SHOC1: variants seen among roughly 807,000 people sequenced by gnomAD.
SHOC1 encodes the protein protein shortage in chiasmata 1 ortholog.
In SHOC1, 136 loss-of-function variants were observed where a neutral mutation model predicts 179.2. The observed-to-expected ratio is 0.76, with a 90% CI of 0.66 to 0.87. The LOEUF is 0.87. SHOC1 is among the 40% of genes least tolerant of loss of function. SHOC1 has a pLI of 0.00. For synonymous variants in SHOC1, 489 were observed against 586.6 expected, an observed-to-expected ratio of 0.83 and a Z score of 2.41; for missense variants, 1,538 against 1,700.8, an observed-to-expected ratio of 0.90 and a Z score of 1.68.
At chr9:111,702,346 A>C in intron 22 of SHOC1, 120 bp from the exon 23 acceptor site, 1 of 650,356 alleles carries the variant, frequency 1.5e-6, no homozygotes, top group South Asian at 1.9e-5. Context: ...CATGGGTATG[A>C]GCCCCCATTT....
At chr9:111,759,416 T>C (rs1016926471) in intron 5 of SHOC1, 101 of 1,412,390 alleles carry the variant, frequency 7.2e-5, no homozygotes, top group Non-Finnish European at 9.3e-5. Flanking sequence ...TTGAGGAGTA[T>C]GATATAGCTT....
chr9:111,705,196 C>CACACACAT (rs151310646), intron 21 of SHOC1, 51 bp downstream of exon 21: 48 of 681,194 alleles, frequency 7.0e-5, no homozygotes, highest in African/African-American at 5.6e-4. Flanking sequence ...CACACACACA[C>CACACACAT]ATATATATAT....
intron 27 of SHOC1, among the ~76,000 whole-genome samples, chr9:111,691,342 T>A (rs1831411996): frequency 1.3e-5 from 2 of 152,344 alleles, no homozygotes; most frequent in South Asian, 4.1e-4. Context: ...TTAAGTTGAA[T>A]GCTTAGTCCA....
In SHOC1 at chr9:111,687,752, CT is replaced by C. The variant is rs1831242194; in HGVS notation, c.4427-883del. Among the ~76,000 whole-genome samples, 6 of 116,808 alleles carry C rather than the reference CT, an allele frequency of 5.1e-5. No homozygotes were observed. In the South Asian group the frequency reaches 1.5e-3, roughly 28 times the overall value. 76.6% of individuals were successfully genotyped at this position (116,808 alleles called of 152,430 possible). A position where few individuals can be genotyped will look rare whatever the true frequency, so the allele number is the denominator to read the frequency against. On this transcript the variant is annotated intron_variant, in intron 27 of 27. Transcript: ENST00000682961. ...ACAATTCTGTCCGGTTTTTCTTCTT[CT>C]TCTTTTTTTTTTTCTTTTTTCTTTT...
rs760124102 is a variant in SHOC1 at position 111,758,732 on chromosome 9, A to T, written c.559T>A (p.Phe187Ile). ...GCTTCTGTGAAGATCTGTCCTTTGA[A>T]ATCTAAAAGAGGATCCTTTACCAAA... ...LFLVKDPLLD[F>I]KGQIFTEANF... Residue 187 changes from phenylalanine to isoleucine, a missense_variant, in exon 6 of 28, where the codon TTC becomes ATC. By Grantham distance (21) the Phe-to-Ile change is conservative. Transcript: ENST00000682961. 8 of 1,594,584 alleles carry T rather than the reference A, an allele frequency of 5.0e-6. No homozygotes were observed. The highest frequency in any genetic ancestry group is 2.6e-6 in the Non-Finnish European group (3 of 1,174,698).
intron 8 of SHOC1, 119 bp downstream of exon 8, chr9:111,756,206 A>T (rs1564151192): frequency 1.7e-6 from 1 of 604,350 alleles, no homozygotes; most frequent in African/African-American, 1.9e-5. Flanking sequence ...TCAACATGTA[A>T]CTTGCAGAAC....
At position 111,702,583 on chromosome 9, in the gene SHOC1, T is replaced by G. The variant is rs947949125; in HGVS notation, c.2968-357A>C. Among the ~76,000 whole-genome samples the G allele has an allele frequency of 3.9e-5, 6 of 152,204 alleles. No homozygotes were observed. In the East Asian group the frequency reaches 7.7e-4, roughly 20 times the overall value. ...GTCCTTTGTGGATGCAAGTCCTTTG[T>G]GGACTAGGATCTGGTCATTCTAAAG... On this transcript the variant is annotated intron_variant, in intron 22 of 27. Coordinates refer to ENST00000682961, the MANE Select transcript of SHOC1 (RefSeq NM_001378211.1).
intron 5 of SHOC1, 120 bp downstream of exon 5, chr9:111,775,671 G>A (rs904730964): frequency 2.8e-6 from 2 of 709,272 alleles, no homozygotes; most frequent in South Asian, 2.3e-5. Flanking sequence ...AAAGCTTAGA[G>A]TTATGCAGGT....
chr9:111,725,479 G>A (rs1025627313), intron 13 of SHOC1, among the ~76,000 whole-genome samples: 3 of 152,256 alleles, frequency 2.0e-5, no homozygotes. Context: ...AGGGTATGCT[G>A]GACTGGGATA....
chr9:111,746,295 A>C lies in SHOC1; in HGVS notation c.1018T>G (p.Ser340Ala), dbSNP rs765736120. The change falls in exon 10 of 28, where the codon TCT becomes GCT. Residue 340 changes from serine to alanine, a missense_variant. Ser to Ala is a moderately conservative substitution (Grantham distance 99, BLOSUM62 1). Transcript: ENST00000682961. ...LTPLFLTCQH[S>A]SVNSLRTELQ... ...TCTGTACGTAATGAATTCACTGAAGAATGTTGGCATGTTAGGAATAGAGGA... is the reference window on the plus strand; with the variant it reads ...TCTGTACGTAATGAATTCACTGAAGCATGTTGGCATGTTAGGAATAGAGGA... 6.2e-7 allele frequency: 1 copy of C among 1,612,560 alleles called. No homozygotes were observed. Among genetic ancestry groups the C allele is most frequent in the Admixed American group, 1.7e-5 (1 of 59,986 alleles).
intron 5 of SHOC1, among the ~76,000 whole-genome samples, chr9:111,759,794 G>C (rs368250128): frequency 6.6e-6 from 1 of 152,100 alleles, no homozygotes; most frequent in African/African-American, 2.4e-5. Context: ...TGTCTCCCAC[G>C]GTTAACTACA....
chr9:111,707,331 T>C (rs1832322770), intron 19 of SHOC1, among the ~76,000 whole-genome samples: 1 of 152,096 alleles, frequency 6.6e-6, no homozygotes, highest in Non-Finnish European at 1.5e-5. Context: ...AAAGTACCTA[T>C]GTCCAGTTTT....
At chr9:111,759,255 A>G (rs758599440) in intron 5 of SHOC1, 2 of 1,613,520 alleles carry the variant, frequency 1.2e-6, no homozygotes, top group African/African-American at 1.3e-5. Flanking sequence ...TTACCTCTTA[A>G]TATCTCCAAT....
intron 22 of SHOC1, among the ~76,000 whole-genome samples, chr9:111,703,539 A>G (rs978840430): frequency 6.6e-6 from 1 of 152,218 alleles, no homozygotes; most frequent in Non-Finnish European, 1.5e-5. Context: ...TCAATCATCA[A>G]TTAATACACT....
intron 18 of SHOC1, among the ~76,000 whole-genome samples, chr9:111,709,451 C>T (rs1049645973): frequency 3.9e-5 from 6 of 152,038 alleles, no homozygotes; most frequent in South Asian, 4.1e-4. Flanking sequence ...ATCTTACAAA[C>T]GCATAGAAAA....
chr9:111,791,460 A>T lies in SHOC1; in HGVS notation c.-36-6T>A, dbSNP rs1836442300. On this transcript the variant is annotated splice_region_variant and splice_polypyrimidine_tract_variant and intron_variant, in intron 1 of 27. Coordinates refer to ENST00000682961, the MANE Select transcript of SHOC1 (RefSeq NM_001378211.1). Reference sequence around the variant, plus strand: ...AGCAGTGTAAATTTCAACATCTGGAAATACAAAAATTAAAATTAAACACTG... The same window carrying T: ...AGCAGTGTAAATTTCAACATCTGGATATACAAAAATTAAAATTAAACACTG... 2 of 1,321,118 alleles carry T rather than the reference A, an allele frequency of 1.5e-6. No individual in the cohort carries two copies. The highest frequency in any genetic ancestry group is 2.0e-6 in the Non-Finnish European group (2 of 991,088). 81.8% of individuals were successfully genotyped at this position (1,321,118 alleles called of 1,614,324 possible).
intron 16 of SHOC1, among the ~76,000 whole-genome samples, chr9:111,717,199 G>A (rs1832829037): frequency 6.6e-6 from 1 of 152,184 alleles, no homozygotes; most frequent in Non-Finnish European, 1.5e-5. Context: ...AAGAGAAAAT[G>A]TCTGGGTCTT....
At position 111,722,280 on chromosome 9, in the gene SHOC1, C is replaced by T. The variant is rs577652125; in HGVS notation, c.2131+129G>A. ...CCAGTATTGGTTTGGCTGGGTATCA[C>T]AAGCTGAATTACAGTCATGCCACCA... is the stretch of plus-strand genomic sequence containing the variant. On this transcript the variant is annotated intron_variant, in intron 15 of 27. Transcript: ENST00000682961. 2,309 of 783,002 alleles carry T rather than the reference C, an allele frequency of 2.9e-3. 11 individuals carry two copies. The highest frequency in any genetic ancestry group is 5.7e-3 in the South Asian group (257 of 44,948). The allele number at this position is 783,002 out of a possible 1,614,324, so 48.5% of individuals were successfully genotyped here. A position where few individuals can be genotyped will look rare whatever the true frequency, so the allele number is the denominator to read the frequency against.
intron 27 of SHOC1, among the ~76,000 whole-genome samples, chr9:111,688,122 G>A (rs916897960): frequency 1.3e-5 from 2 of 152,074 alleles, no homozygotes; most frequent in African/African-American, 2.4e-5. Context: ...ACCAGCTCTC[G>A]AAACAAGGAA....
Sources: gnomAD v4.1 joint callset for allele counts (sites outside exome capture counted in the v4.1 genomes callset) on GRCh38, gnomAD v4.1.1 for gene constraint, MANE v1.5 for transcripts, NCBI Gene and HGNC (gene_info 2026-07-23, HGNC 2026-07-21) for gene names.